GCNT2: variants seen among roughly 807,000 people sequenced by gnomAD.
GCNT2 encodes the protein glucosaminyl (N-acetyl) transferase 2 (I blood group).
GCNT2 carries 34 observed loss-of-function variants against 34.2 expected under a neutral mutation model. That is an observed-to-expected ratio of 1.00 (90% CI 0.76 to 1.32). GCNT2 has a LOEUF of 1.32. Among genes scored for constraint, GCNT2 ranks in the 40% most tolerant of loss-of-function variants. The probability of loss-of-function intolerance (pLI) is 0.00; values close to 1 mark genes in which losing one functional copy is unlikely to be tolerated. For missense variants in GCNT2, 584 were observed against 489.4 expected, an observed-to-expected ratio of 1.19 and a Z score of -1.82; for synonymous variants, 212 against 188.0, an observed-to-expected ratio of 1.13 and a Z score of -1.04.
chr6:10,614,021 A>C (rs935432442), intron 3 of GCNT2, among the ~76,000 whole-genome samples: 1 of 152,198 alleles, frequency 6.6e-6, no homozygotes, highest in South Asian at 2.1e-4. Context: ...GGACATTGGC[A>C]AGAGTGATGG....
chr6:10,618,191 A>C (rs1399135802), intron 3 of GCNT2, among the ~76,000 whole-genome samples: 5 of 152,252 alleles, frequency 3.3e-5, no homozygotes, highest in Non-Finnish European at 4.4e-5. Flanking sequence ...AGTAGAATTC[A>C]ACTTGTTCTG....
chr6:10,568,793 C>CTTTT (rs1763397097), intron 3 of GCNT2, among the ~76,000 whole-genome samples: 1 of 152,138 alleles, frequency 6.6e-6, no homozygotes, highest in Admixed American at 6.6e-5. Flanking sequence ...TGCCATAGGT[C>CTTTT]CTTTTCTTCA....
intron 3 of GCNT2, among the ~76,000 whole-genome samples, chr6:10,615,216 T>C (rs775106291): frequency 5.3e-5 from 8 of 152,176 alleles, no homozygotes; most frequent in Non-Finnish European, 8.8e-5. Flanking sequence ...CCAGTGTTGC[T>C]TACAGCTGAG....
chr6:10,620,473 C>T (rs1765985941), intron 3 of GCNT2, among the ~76,000 whole-genome samples: 1 of 151,710 alleles, frequency 6.6e-6, no homozygotes, highest in Admixed American at 6.6e-5. Context: ...GTGGCACAAT[C>T]ATGGCTCATT....
chr6:10,552,398 A>G (rs1258686178), intron 3 of GCNT2, among the ~76,000 whole-genome samples: 7 of 151,500 alleles, frequency 4.6e-5, no homozygotes, highest in Non-Finnish European at 8.8e-5. Context: ...GATTCAACCA[A>G]CCTCAGCACT....
chr6:10,566,094 C>A (rs1434839944), intron 3 of GCNT2, among the ~76,000 whole-genome samples: 1 of 152,154 alleles, frequency 6.6e-6, no homozygotes, highest in Non-Finnish European at 1.5e-5. Flanking sequence ...TCTGCCACTC[C>A]CAGCCTTCCT....
At chr6:10,594,854 T>C (rs1488661339) in intron 3 of GCNT2, among the ~76,000 whole-genome samples, 2 of 150,438 alleles carry the variant, frequency 1.3e-5, no homozygotes, top group African/African-American at 4.9e-5. Context: ...ACCAGTTCCT[T>C]TTTTTTTTGA....
At chr6:10,594,667 T>C (rs1462908052) in intron 3 of GCNT2, among the ~76,000 whole-genome samples, 1 of 152,202 alleles carries the variant, frequency 6.6e-6, no homozygotes, top group Non-Finnish European at 1.5e-5. Flanking sequence ...AAAACCTACA[T>C]GTGGTCTTGT....
intron 4 of GCNT2, among the ~76,000 whole-genome samples, chr6:10,624,674 C>A (rs1766184769): frequency 6.6e-6 from 1 of 152,192 alleles, no homozygotes; most frequent in Non-Finnish European, 1.5e-5. Flanking sequence ...CAAAATTCAT[C>A]ATCTAGTCCC....
At chr6:10,530,037 G>C in intron 3 of GCNT2, 1 of 564,436 alleles carries the variant, frequency 1.8e-6, no homozygotes. Context: ...TCTGTTCACA[G>C]GACAAAAGAC....
intron 3 of GCNT2, among the ~76,000 whole-genome samples, chr6:10,536,855 T>C (rs572547193): frequency 6.6e-6 from 1 of 151,914 alleles, no homozygotes; most frequent in African/African-American, 2.4e-5. Flanking sequence ...AACCTCTGCT[T>C]CCCGGGTTCA....
At chr6:10,524,212 G>A (rs887766346) in intron 1 of GCNT2, among the ~76,000 whole-genome samples, 6 of 151,390 alleles carry the variant, frequency 4.0e-5, no homozygotes, top group African/African-American at 1.5e-4. Context: ...GTTAAGAGTG[G>A]CCTTGGTCCA....
At chr6:10,534,899 T>C (rs1269833505) in intron 3 of GCNT2, among the ~76,000 whole-genome samples, 2 of 151,888 alleles carry the variant, frequency 1.3e-5, no homozygotes, top group African/African-American at 4.8e-5. Context: ...AAACAAAACA[T>C]GGGTCCGGGC....
At chr6:10,578,125 T>C (rs547785019) in intron 3 of GCNT2, among the ~76,000 whole-genome samples, 1 of 152,154 alleles carries the variant, frequency 6.6e-6, no homozygotes, top group South Asian at 2.1e-4. Context: ...GCGCATTGGC[T>C]CACGCCTGTA....
intron 3 of GCNT2, among the ~76,000 whole-genome samples, chr6:10,562,835 A>G (rs1404299642): frequency 6.6e-5 from 10 of 152,110 alleles, no homozygotes; most frequent in Non-Finnish European, 1.5e-4. Context: ...TGGGCAGAGC[A>G]AAGCACAGGC....
intron 3 of GCNT2, among the ~76,000 whole-genome samples, chr6:10,606,814 T>A (rs1217726079): frequency 6.6e-6 from 1 of 152,074 alleles, no homozygotes. Context: ...AATAGTTCAG[T>A]ATATGTTTTT....
At chr6:10,614,644 AAG>A (rs1554137835) in intron 3 of GCNT2, among the ~76,000 whole-genome samples, 3 of 143,934 alleles carry the variant, frequency 2.1e-5, no homozygotes, top group African/African-American at 8.1e-5. Flanking sequence ...AAAAAAAAAA[AAG>A]AGAAAAAGAA....
At position 10,589,164 on chromosome 6, in the gene GCNT2, G is replaced by GC. The variant is rs1281004705; in HGVS notation, c.926-32187_926-32186insC. On this transcript the variant is annotated intron_variant, in intron 3 of 4. Coordinates refer to ENST00000495262, the MANE Select transcript of GCNT2 (RefSeq NM_145649.5). ...ATGTGGTGTGGGTGTGTGTGCGTGT[G>GC]GTGTGTGTGTGGTGTATGTGCGTCA... is the stretch of plus-strand genomic sequence containing the variant. Among the ~76,000 whole-genome samples, 70 of 110,038 alleles carry GC rather than the reference G, an allele frequency of 6.4e-4. 2 individuals are homozygous for GC. In the South Asian group the frequency reaches 0.016, roughly 25 times the overall value. The allele number at this position is 110,038 out of a possible 152,430, so 72.2% of individuals were successfully genotyped here. A position where few individuals can be genotyped will look rare whatever the true frequency, so the allele number is the denominator to read the frequency against.
rs779642200 is a variant in GCNT2 at position 10,529,426 on chromosome 6, A to G, written c.515A>G (p.Asn172Ser). 3 of 1,614,152 alleles carry G rather than the reference A, an allele frequency of 1.9e-6. No homozygotes were observed. In the South Asian group the frequency reaches 3.3e-5, roughly 18 times the overall value. ...ATCTCCAGGCTCCAGGCTGACCTGA[A>G]CTGCCTGGAAGACCTTGTGGCCTCT... The part of the protein sequence containing the change: ...GGISRLQADL[N>S]CLEDLVASEV... The change falls in exon 3 of 5, where the codon AAC (asparagine) becomes AGC (serine). Residue 172 changes from asparagine to serine, a missense_variant. Asn to Ser is a conservative substitution (Grantham distance 46). Coordinates refer to ENST00000495262, the MANE Select transcript of GCNT2 (RefSeq NM_145649.5).
Sources: allele counts gnomAD v4.1 joint callset (sites outside exome capture counted in the v4.1 genomes callset), GRCh38; gene constraint gnomAD v4.1.1; transcripts MANE v1.5; gene names NCBI Gene and HGNC (gene_info 2026-07-23, HGNC 2026-07-21).